The following SHISA9 variants were observed in gnomAD, a reference collection of about 807,000 sequenced individuals.
The protein encoded by SHISA9 is shisa family member 9.
SHISA9 carries 13 observed loss-of-function variants against 38.0 expected under a neutral mutation model. That is an observed-to-expected ratio of 0.34 (90% CI 0.22 to 0.54). The LOEUF is 0.54. Ranked by LOEUF, SHISA9 falls within the 20% of genes least tolerant of loss-of-function variation. SHISA9 has a pLI of 0.91. For missense variants in SHISA9, 538 were observed against 575.8 expected (o/e 0.93, Z 0.67); for synonymous variants, 275 against 242.0 (o/e 1.14, Z -1.27).
the SHISA9 span, among the ~76,000 whole-genome samples, chr16:13,497,685 CAAAAA>C: frequency 6.6e-5 from 7 of 106,366 alleles, no homozygotes; most frequent in Non-Finnish European, 1.1e-4. Flanking sequence ...ACTCCGTCTC[CAAAAA>C]AAAAAAAAAA....
chr16:13,156,945 T>C (rs1338861706), intron 2 of SHISA9, among the ~76,000 whole-genome samples: 3 of 152,172 alleles, frequency 2.0e-5, no homozygotes, highest in African/African-American at 7.2e-5. Flanking sequence ...TTACTGAGTG[T>C]TTTTTATATA....
intron 4 of SHISA9, among the ~76,000 whole-genome samples, chr16:13,214,856 C>T (rs191478093): frequency 2.0e-4 from 30 of 152,136 alleles, no homozygotes; most frequent in Non-Finnish European, 3.4e-4. Context: ...CATCTCCCAC[C>T]GGGTTCCTCC....
At position 12,936,422 on chromosome 16, in the gene SHISA9, A is replaced by T. The variant is rs116944830; in HGVS notation, c.691+19607A>T. ...AGTGAGGCATAAGTGTCTTTAAGTT[A>T]TGTGAACTCAACTCTGTGATCTCAG... On this transcript the variant is annotated intron_variant, in intron 2 of 4. Transcript: ENST00000558583. 9.1e-4 allele frequency among the ~76,000 whole-genome samples: 138 copies of T among 152,282 alleles called. 1 individual carries two copies. Among genetic ancestry groups the T allele is most frequent in the Non-Finnish European group, 1.7e-3 (117 of 68,034 alleles).
chr16:13,141,708 T>C (rs1312372696), intron 2 of SHISA9, among the ~76,000 whole-genome samples: 1 of 151,946 alleles, frequency 6.6e-6, no homozygotes, highest in Non-Finnish European at 1.5e-5. Context: ...TAAAATAAAA[T>C]AGTTTAGATT....
At chr16:12,990,291 A>G (rs1005273244) in intron 2 of SHISA9, among the ~76,000 whole-genome samples, 1 of 152,190 alleles carries the variant, frequency 6.6e-6, no homozygotes, top group African/African-American at 2.4e-5. Context: ...TCCTTTGGGC[A>G]TATACCCAGT....
intron 2 of SHISA9, among the ~76,000 whole-genome samples, chr16:12,954,859 C>G (rs902071814): frequency 6.6e-6 from 1 of 152,112 alleles, no homozygotes; most frequent in Non-Finnish European, 1.5e-5. Context: ...TATCACTCAT[C>G]TTTCTATGTG....
At chr16:13,248,797 A>C in the SHISA9 span, among the ~76,000 whole-genome samples, 1 of 152,142 alleles carries the variant, frequency 6.6e-6, no homozygotes, top group Admixed American at 6.5e-5. Context: ...TTCATATGCA[A>C]GGAAGGAATT....
intron 4 of SHISA9, among the ~76,000 whole-genome samples, chr16:13,220,902 A>C (rs1392908829): frequency 6.6e-6 from 1 of 152,146 alleles, no homozygotes; most frequent in Non-Finnish European, 1.5e-5. Flanking sequence ...TGGCAGCCAC[A>C]ACAAAGGGGG....
the SHISA9 span, among the ~76,000 whole-genome samples, chr16:13,271,141 T>C: frequency 1.3e-5 from 2 of 152,212 alleles, no homozygotes; most frequent in South Asian, 4.1e-4. Context: ...AATGCTATAA[T>C]GTGGAGCTCA....
At chr16:13,504,374 C>T in the SHISA9 span, among the ~76,000 whole-genome samples, 1 of 152,078 alleles carries the variant, frequency 6.6e-6, no homozygotes, top group East Asian at 1.9e-4. Flanking sequence ...TTCCAAAACC[C>T]ATAAGGTCCC....
At chr16:12,918,188 A>G (rs2071282590) in intron 2 of SHISA9, among the ~76,000 whole-genome samples, 1 of 152,218 alleles carries the variant, frequency 6.6e-6, no homozygotes, top group Admixed American at 6.5e-5. Flanking sequence ...CAAATCCCAT[A>G]GCCCCCCGAA....
At chr16:12,903,093 G>A (rs950872715) in intron 1 of SHISA9, 5 of 160,016 alleles carry the variant, frequency 3.1e-5, no homozygotes, top group Admixed American at 2.4e-4. Flanking sequence ...AGGAGGGAGG[G>A]TCAGAGTGAG....
the SHISA9 span, among the ~76,000 whole-genome samples, chr16:13,471,657 G>A: frequency 4.0e-5 from 6 of 149,966 alleles, no homozygotes; most frequent in Admixed American, 3.3e-4. Context: ...ATGCCCCAGG[G>A]AGCTACCTGA....
chr16:13,127,044 G>A (rs1484122192), intron 2 of SHISA9, among the ~76,000 whole-genome samples: 1 of 147,432 alleles, frequency 6.8e-6, no homozygotes, highest in Admixed American at 6.7e-5. Flanking sequence ...AGGAAGGAAG[G>A]AGAGAGACTG....
intron 2 of SHISA9, among the ~76,000 whole-genome samples, chr16:13,053,403 G>C (rs1433535506): frequency 6.6e-6 from 1 of 152,094 alleles, no homozygotes; most frequent in East Asian, 1.9e-4. Context: ...ATTCACCTAA[G>C]CTATAGCCAA....
In SHISA9 at chr16:13,143,009, A is replaced by ATTTTATTTTATTTTATTT. The variant is rs1555465417; in HGVS notation, c.692-60370_692-60369insTTTTTTTATTTTATTTTA. On this transcript the variant is annotated intron_variant, in intron 2 of 4. Coordinates refer to ENST00000558583, the MANE Select transcript of SHISA9 (RefSeq NM_001145204.3). The stretch of plus-strand genomic sequence containing the variant: ...GTTTCCTTTTATTTTATTTTATTTT[A>ATTTTATTTTATTTTATTT]TTTTATTTTATTTTAAGACAGAGTT... 4.9e-3 allele frequency among the ~76,000 whole-genome samples: 741 copies of ATTTTATTTTATTTTATTT among 150,742 alleles called. 11 individuals carry two copies. The highest frequency in any genetic ancestry group is 0.017 in the African/African-American group (705 of 41,020).
chr16:13,112,323 G>A (rs967259660), intron 2 of SHISA9, among the ~76,000 whole-genome samples: 13 of 151,932 alleles, frequency 8.6e-5, no homozygotes, highest in African/African-American at 3.1e-4. Context: ...GAGAAAGAGG[G>A]AAGAAAGCAA....
the SHISA9 span, among the ~76,000 whole-genome samples, chr16:13,380,452 C>G: frequency 6.6e-6 from 1 of 152,076 alleles, no homozygotes; most frequent in Admixed American, 6.5e-5. Context: ...ATGTTAGAAA[C>G]TAGAAGACAC....
At chr16:13,486,012 C>T in the SHISA9 span, among the ~76,000 whole-genome samples, 3 of 152,076 alleles carry the variant, frequency 2.0e-5, no homozygotes, top group African/African-American at 7.3e-5. Context: ...TGTTTCACTC[C>T]CATACTGTCT....
Sources: gnomAD v4.1 joint callset for allele counts (sites outside exome capture counted in the v4.1 genomes callset) on GRCh38, gnomAD v4.1.1 for gene constraint, MANE v1.5 for transcripts, NCBI Gene and HGNC (gene_info 2026-07-23, HGNC 2026-07-21) for gene names.